The following FRMD3 variants were observed in gnomAD, a reference collection of about 807,000 sequenced individuals.
FRMD3 encodes FERM domain-containing protein 3.
In FRMD3, 33 loss-of-function variants were observed where a neutral mutation model predicts 70.2. The observed-to-expected ratio is 0.47, with a 90% CI of 0.36 to 0.63. The LOEUF (loss-of-function observed/expected upper bound fraction) is 0.63. FRMD3 is among the 20% of genes least tolerant of loss of function. FRMD3 has a pLI of 0.00. For missense variants in FRMD3, 632 were observed against 711.4 expected, an observed-to-expected ratio of 0.89 and a Z score of 1.27; for synonymous variants, 279 against 255.9, an observed-to-expected ratio of 1.09 and a Z score of -0.86.
the FRMD3 span, among the ~76,000 whole-genome samples, chr9:83,570,880 G>A: frequency 6.6e-6 from 1 of 152,296 alleles, no homozygotes; most frequent in Admixed American, 6.5e-5. Flanking sequence ...AGGTGGTGAG[G>A]AGTGACTGGG....
At chr9:83,429,932 C>A (rs185051801) in intron 1 of FRMD3, among the ~76,000 whole-genome samples, 93 of 152,266 alleles carry the variant, frequency 6.1e-4, no homozygotes, top group African/African-American at 2.2e-3. Flanking sequence ...CCCAAGCCAA[C>A]CCCAGATCAC....
intron 1 of FRMD3, among the ~76,000 whole-genome samples, chr9:83,479,671 G>GAAAGAAAGAGA (rs1828497978): frequency 6.7e-5 from 2 of 29,964 alleles, no homozygotes; most frequent in African/African-American, 1.6e-4. Context: ...AAGGAAGGAA[G>GAAAGAAAGAGA]GAAAGAAAGA....
At chr9:83,482,483 ATC>A (rs1828590660) in intron 1 of FRMD3, among the ~76,000 whole-genome samples, 1 of 152,232 alleles carries the variant, frequency 6.6e-6, no homozygotes, top group Non-Finnish European at 1.5e-5. Context: ...CAGCAAATAT[ATC>A]TGTCAGTCAT....
intron 1 of FRMD3, among the ~76,000 whole-genome samples, chr9:83,444,720 C>T (rs1425891071): frequency 6.6e-6 from 1 of 152,168 alleles, no homozygotes; most frequent in Non-Finnish European, 1.5e-5. Flanking sequence ...TTTGCTTCTG[C>T]CTTTGCTGTA....
At chr9:83,364,694 A>G (rs1179187273) in intron 3 of FRMD3, among the ~76,000 whole-genome samples, 1 of 152,230 alleles carries the variant, frequency 6.6e-6, no homozygotes, top group Non-Finnish European at 1.5e-5. Context: ...GGGCTACCCC[A>G]TGATTATAAA....
intron 5 of FRMD3, among the ~76,000 whole-genome samples, chr9:83,336,353 T>C (rs1461175534): frequency 1.3e-5 from 2 of 151,848 alleles, no homozygotes; most frequent in Non-Finnish European, 2.9e-5. Context: ...AAAAATTTAA[T>C]GCCCCCGCCC....
chr9:83,451,192 G>A lies in FRMD3; in HGVS notation c.148-61484C>T, dbSNP rs181560558. On this transcript the variant is annotated intron_variant, in intron 1 of 13. Transcript: ENST00000304195. ...TACTTCAGTGATTATGCTGAGGTGC[G>A]GGATTAAGCGAGGTTAGATTGTATT... is the stretch of plus-strand genomic sequence containing the variant. Among the ~76,000 whole-genome samples the A allele has an allele frequency of 9.5e-4, 144 of 152,162 alleles. 1 individual carries two copies. The highest frequency in any genetic ancestry group is 3.3e-3 in the African/African-American group (138 of 41,478).
chr9:83,516,108 CA>C (rs1829449335), intron 1 of FRMD3, among the ~76,000 whole-genome samples: 1 of 152,140 alleles, frequency 6.6e-6, no homozygotes, highest in Non-Finnish European at 1.5e-5. Flanking sequence ...GGATCAAATT[CA>C]CACATAACAA....
intron 1 of FRMD3, among the ~76,000 whole-genome samples, chr9:83,430,292 C>T (rs952379760): frequency 2.0e-5 from 3 of 152,160 alleles, no homozygotes; most frequent in Non-Finnish European, 4.4e-5. Context: ...CTGCAGCCCC[C>T]TGTAACCTCC....
the FRMD3 span, among the ~76,000 whole-genome samples, chr9:83,560,035 A>T: frequency 6.6e-6 from 1 of 152,208 alleles, no homozygotes; most frequent in Admixed American, 6.5e-5. Context: ...AATGACAAGA[A>T]ATGAAAAGGT....
chr9:83,353,187 G>A (rs986176934), intron 3 of FRMD3, among the ~76,000 whole-genome samples: 2 of 141,848 alleles, frequency 1.4e-5, no homozygotes, highest in African/African-American at 5.2e-5. Flanking sequence ...GAACCACTCA[G>A]TTCTGTCACA....
intron 6 of FRMD3, among the ~76,000 whole-genome samples, chr9:83,316,184 A>T: frequency 1.6e-5 from 2 of 122,968 alleles, no homozygotes; most frequent in African/African-American, 3.3e-5. Context: ...TTTGAGACAG[A>T]GTCTCACTCT....
chr9:83,323,789 A>C lies in FRMD3; in HGVS notation c.597-10042T>G, dbSNP rs189806654. ...GTATGATTCTATTTCTATGGCTTTC[A>C]AAAATGAGCAAAGCAAAACTAATGT... On this transcript the variant is annotated intron_variant, in intron 6 of 13. Coordinates refer to ENST00000304195, the MANE Select transcript of FRMD3 (RefSeq NM_174938.6). Among the ~76,000 whole-genome samples, 992 of 152,360 alleles carry C rather than the reference A, an allele frequency of 6.5e-3. 8 individuals carry two copies. Among genetic ancestry groups the C allele is most frequent in the African/African-American group, 0.022 (921 of 41,576 alleles).
At chr9:83,284,563 G>A (rs563130602) in intron 13 of FRMD3, among the ~76,000 whole-genome samples, 32 of 152,232 alleles carry the variant, frequency 2.1e-4, no homozygotes, top group South Asian at 1.2e-3. Flanking sequence ...AGCTGAGATT[G>A]TGCCACTGCA....
intron 1 of FRMD3, among the ~76,000 whole-genome samples, chr9:83,419,033 G>A (rs1029226332): frequency 1.3e-5 from 2 of 152,166 alleles, no homozygotes; most frequent in Admixed American, 6.6e-5. Flanking sequence ...AGTAACACAG[G>A]AGTAGAAAAT....
At chr9:83,400,869 T>C (rs1202435986) in intron 1 of FRMD3, among the ~76,000 whole-genome samples, 2 of 152,210 alleles carry the variant, frequency 1.3e-5, no homozygotes, top group Non-Finnish European at 1.5e-5. Context: ...TAATCAATGC[T>C]TCCTGAACTT....
At chr9:83,332,289 G>C (rs12349916) in intron 6 of FRMD3, among the ~76,000 whole-genome samples, 143 of 152,182 alleles carry the variant, frequency 9.4e-4, no homozygotes, top group African/African-American at 3.1e-3. Context: ...TTTACCTTCA[G>C]TCATCAATCT....
intron 1 of FRMD3, among the ~76,000 whole-genome samples, chr9:83,490,798 T>TCTCACACACACACA (rs752047493): frequency 9.0e-6 from 1 of 110,716 alleles, no homozygotes; most frequent in African/African-American, 3.7e-5. Flanking sequence ...TCTCTCTCTC[T>TCTCACACACACACA]CACACACACA....
At chr9:83,434,160 A>G (rs1165765848) in intron 1 of FRMD3, among the ~76,000 whole-genome samples, 1 of 152,152 alleles carries the variant, frequency 6.6e-6, no homozygotes, top group Non-Finnish European at 1.5e-5. Context: ...AATTCTCCCC[A>G]AACTAAAAAA....
Sources: allele counts gnomAD v4.1 joint callset (sites outside exome capture counted in the v4.1 genomes callset), GRCh38; gene constraint gnomAD v4.1.1; transcripts MANE v1.5; gene names NCBI Gene and HGNC (gene_info 2026-07-23, HGNC 2026-07-21).